The following CSMD3 variants were observed in gnomAD, a reference collection of about 807,000 sequenced individuals.
CSMD3 encodes the protein CUB and Sushi multiple domains 3.
A neutral mutation model predicts 435.2 loss-of-function variants in CSMD3; 177 were observed. The observed-to-expected ratio is 0.41, with a 90% CI of 0.36 to 0.46. The LOEUF (loss-of-function observed/expected upper bound fraction) is 0.46. CSMD3 is among the 20% of genes least tolerant of loss of function. The probability of loss-of-function intolerance (pLI) is 0.34; values close to 1 mark genes in which losing one functional copy is unlikely to be tolerated. For missense variants in CSMD3, 4,265 were observed against 4,504.6 expected (o/e 0.95, Z 1.52); for synonymous variants, 1,656 against 1,520.5 (o/e 1.09, Z -2.07).
Position 113,098,903 on chromosome 8 carries a change from A to C in CSMD3, c.770T>G (p.Phe257Cys). The part of the protein sequence containing the change: ...GSSGIISSPS[F>C]PNEYHNNADC... Reference sequence around the variant, plus strand: ...AGCATTGTTATGGTACTCATTAGGAAAACTAGGGCTGGATATGATGCCACT... The same window carrying C: ...AGCATTGTTATGGTACTCATTAGGACAACTAGGGCTGGATATGATGCCACT... Residue 257 changes from phenylalanine to cysteine, a missense_variant, in exon 5 of 71, where the codon TTT (phenylalanine) becomes TGT (cysteine). Transcript: ENST00000297405. 1 of 1,612,954 alleles carries C rather than the reference A, an allele frequency of 6.2e-7. No homozygotes were observed. The highest frequency in any genetic ancestry group is 8.5e-7 in the Non-Finnish European group (1 of 1,179,162).
intron 13 of CSMD3, among the ~76,000 whole-genome samples, chr8:112,718,679 G>C (rs539407710): frequency 6.6e-6 from 1 of 151,824 alleles, no homozygotes; most frequent in Non-Finnish European, 1.5e-5. Flanking sequence ...ACTTATGTAA[G>C]GTGTCTATCC....
At chr8:112,761,693 C>A (rs1178043248) in intron 13 of CSMD3, among the ~76,000 whole-genome samples, 1 of 151,942 alleles carries the variant, frequency 6.6e-6, no homozygotes, top group Non-Finnish European at 1.5e-5. Context: ...TTTTATTTTG[C>A]ATCTCCATCA....
At chr8:112,903,198 G>T (rs2082157404) in intron 10 of CSMD3, among the ~76,000 whole-genome samples, 1 of 147,466 alleles carries the variant, frequency 6.8e-6, no homozygotes, top group African/African-American at 2.5e-5. Context: ...TGGCCTAGGA[G>T]ATTCAAATTT....
chr8:113,160,578 T>C (rs1278267866), intron 4 of CSMD3, among the ~76,000 whole-genome samples: 2 of 151,942 alleles, frequency 1.3e-5, no homozygotes, highest in Non-Finnish European at 2.9e-5. Flanking sequence ...TAGAATGTCA[T>C]TGTATAAAAC....
At chr8:112,825,663 T>A (rs1468014347) in intron 12 of CSMD3, among the ~76,000 whole-genome samples, 1 of 152,148 alleles carries the variant, frequency 6.6e-6, no homozygotes. Flanking sequence ...CACCTGGAGA[T>A]GTCACTTGAG....
intron 27 of CSMD3, among the ~76,000 whole-genome samples, chr8:112,534,656 G>A (rs934232223): frequency 6.6e-6 from 1 of 152,174 alleles, no homozygotes; most frequent in Non-Finnish European, 1.5e-5. Context: ...TAGAAAAAGA[G>A]GGAATCCTCC....
At chr8:112,779,223 C>G (rs180981239) in intron 13 of CSMD3, among the ~76,000 whole-genome samples, 1 of 151,274 alleles carries the variant, frequency 6.6e-6, no homozygotes, top group Admixed American at 6.6e-5. Flanking sequence ...TTGACCTCAG[C>G]AGTAGCTCAA....
intron 4 of CSMD3, among the ~76,000 whole-genome samples, chr8:113,119,859 T>C (rs183235468): frequency 1.3e-5 from 2 of 152,256 alleles, no homozygotes; most frequent in African/African-American, 4.8e-5. Context: ...GAATTATTGG[T>C]TTATGCATAT....
chr8:113,238,927 G>GTTCCTACGGAACTTCCTACGGAAC (rs2093180488), intron 3 of CSMD3, among the ~76,000 whole-genome samples: 3 of 152,160 alleles, frequency 2.0e-5, no homozygotes, highest in Admixed American at 6.6e-5. Context: ...ATTATTCTGT[G>GTTCCTACGGAACTTCCTACGGAAC]TTCCTACGGA....
chr8:112,925,011 A>G (rs956426914), intron 9 of CSMD3, among the ~76,000 whole-genome samples: 2 of 152,008 alleles, frequency 1.3e-5, no homozygotes, highest in African/African-American at 4.8e-5. Context: ...GTATTCCTCC[A>G]TTTGTCCCAA....
At chr8:113,267,284 A>G (rs1285212533) in intron 3 of CSMD3, among the ~76,000 whole-genome samples, 1 of 151,704 alleles carries the variant, frequency 6.6e-6, no homozygotes, top group Non-Finnish European at 1.5e-5. Flanking sequence ...TCAATATATC[A>G]AAGGAATTCC....
At chr8:113,262,560 T>C (rs2093435899) in intron 3 of CSMD3, among the ~76,000 whole-genome samples, 1 of 152,002 alleles carries the variant, frequency 6.6e-6, no homozygotes, top group Non-Finnish European at 1.5e-5. Context: ...ATGACTACAT[T>C]ATGCTGTATA....
chr8:113,346,636 C>A (rs2094153219), intron 1 of CSMD3, among the ~76,000 whole-genome samples: 1 of 151,832 alleles, frequency 6.6e-6, no homozygotes, highest in Non-Finnish European at 1.5e-5. Context: ...GTATCTTTAC[C>A]CTGCCTGTTT....
At position 113,116,281 on chromosome 8, in the gene CSMD3, G is replaced by A. The variant is rs150898972; in HGVS notation, c.710-17318C>T. Among the ~76,000 whole-genome samples the A allele has an allele frequency of 1.6e-4, 25 of 152,222 alleles. No individual in the cohort carries two copies. In the East Asian group the frequency reaches 1.9e-3, roughly 12 times the overall value. Reference sequence around the variant, plus strand: ...TGAATCATAGGGGCAGTTTCTCCACGCTATTCTTGTGATAGTAAGTTCTCA... The same window carrying A: ...TGAATCATAGGGGCAGTTTCTCCACACTATTCTTGTGATAGTAAGTTCTCA... On this transcript the variant is annotated intron_variant, in intron 4 of 70. Transcript: ENST00000297405.
chr8:112,265,641 T>C (rs748763300), intron 59 of CSMD3, 51 bp from the exon 60 acceptor site: 14 of 1,275,968 alleles, frequency 1.1e-5, no homozygotes, highest in Admixed American at 3.4e-5. Flanking sequence ...ATGTATTTAA[T>C]GGAGAGGAGT....
At chr8:113,136,361 G>C (rs1253467448) in intron 4 of CSMD3, among the ~76,000 whole-genome samples, 1 of 151,710 alleles carries the variant, frequency 6.6e-6, no homozygotes. Context: ...ACTTAAATTT[G>C]AACAGCTAAC....
At chr8:112,960,891 CAAGT>C (rs1157033460) in intron 7 of CSMD3, among the ~76,000 whole-genome samples, 3 of 151,554 alleles carry the variant, frequency 2.0e-5, no homozygotes, top group African/African-American at 4.8e-5. Context: ...TCATTAGAGA[CAAGT>C]AATATGGTTC....
chr8:112,876,638 C>A (rs1365220993), intron 10 of CSMD3, among the ~76,000 whole-genome samples: 1 of 152,102 alleles, frequency 6.6e-6, no homozygotes, highest in Non-Finnish European at 1.5e-5. Context: ...AACAGCGCTT[C>A]ATGCTAAAAA....
chr8:112,241,919 T>C (rs1262829116), intron 65 of CSMD3, 134 bp from the exon 66 acceptor site: 2 of 740,730 alleles, frequency 2.7e-6, no homozygotes, highest in African/African-American at 3.5e-5. Flanking sequence ...ACATAGATAG[T>C]TTTCTCTAAA....
Sources: allele counts gnomAD v4.1 joint callset (sites outside exome capture counted in the v4.1 genomes callset), GRCh38; gene constraint gnomAD v4.1.1; transcripts MANE v1.5; gene names NCBI Gene and HGNC (gene_info 2026-07-23, HGNC 2026-07-21).